USP54: variants seen among roughly 807,000 people sequenced by gnomAD.
USP54 encodes the protein ubiquitin specific peptidase 54, also known as ubiquitin carboxyl-terminal hydrolase 54.
USP54 carries 87 observed loss-of-function variants against 170.5 expected under a neutral mutation model. That is an observed-to-expected ratio of 0.51 (90% confidence interval 0.43 to 0.61). The LOEUF (loss-of-function observed/expected upper bound fraction) is 0.61. Among genes scored for constraint, USP54 ranks in the 20% least tolerant of loss-of-function variants. USP54 has a pLI of 0.00. For synonymous variants in USP54, 655 were observed against 742.8 expected, an observed-to-expected ratio of 0.88 and a Z score of 1.92; for missense variants, 1,786 against 2,047.8, an observed-to-expected ratio of 0.87 and a Z score of 2.47.
In USP54 at chr10:73,517,037, C is replaced by T. The variant is rs769167995; in HGVS notation, c.3389G>A (p.Arg1130His). 3.3e-5 allele frequency: 54 copies of T among 1,614,076 alleles called. No homozygotes were observed. The Middle Eastern group carries it at 6.6e-4, about 20-fold the overall frequency. The change falls in exon 20 of 24, where the codon CGT (arginine) becomes CAT (histidine). Residue 1130 changes from arginine (R) to histidine (H), a missense_variant. Physicochemically the swap from Arg to His is conservative, Grantham distance 29 (BLOSUM62 0). Coordinates refer to ENST00000687698, the MANE Select transcript of USP54 (RefSeq NM_001391956.1). ...PEFPSTKGLV[R>H]SLAEQFQRMQ... ...CCTCTGGAACTGCTCAGCCAGAGAA[C>T]GGACAAGCCCCTTTGTGCTGGGAAA...
At chr10:73,565,678 C>A (rs74147530) in intron 4 of USP54, among the ~76,000 whole-genome samples, 2 of 152,078 alleles carry the variant, frequency 1.3e-5, no homozygotes, top group Non-Finnish European at 2.9e-5. Flanking sequence ...ACATGAGTAC[C>A]ACCACACTGG....
At chr10:73,591,426 A>G (rs2078243170), upstream of USP54, 1 of 152,354 alleles carries the variant, frequency 6.6e-6, no homozygotes, top group African/African-American at 2.4e-5. Flanking sequence ...GCTAGCAACA[A>G]TGAGAAACTG....
intron 3 of USP54, among the ~76,000 whole-genome samples, chr10:73,574,889 A>G (rs553353236): frequency 2.0e-4 from 31 of 151,230 alleles, no homozygotes; most frequent in African/African-American, 7.5e-4. Flanking sequence ...AAAAGAAAAG[A>G]AAAATAGGAA....
chr10:73,556,552 G>A (rs2071118483), intron 4 of USP54, among the ~76,000 whole-genome samples: 2 of 151,638 alleles, frequency 1.3e-5, no homozygotes, highest in East Asian at 1.9e-4. Flanking sequence ...CACCATCTTG[G>A]CCAGGCTAGT....
At position 73,565,515 on chromosome 10, in the gene USP54, C is replaced by CAAAT. The variant is rs577102867; in HGVS notation, c.240+5902_240+5905dup. On this transcript the variant is annotated intron_variant, in intron 4 of 23. Coordinates refer to ENST00000687698, the MANE Select transcript of USP54 (RefSeq NM_001391956.1). ...TGGGCAACAGAACAAGATCCTATTT[C>CAAAT]AAATAAATAAATAAATAAATAACTT... Among the ~76,000 whole-genome samples the CAAAT allele has an allele frequency of 3.3e-3, 500 of 151,932 alleles. 2 individuals carry two copies. Among genetic ancestry groups the CAAAT allele is most frequent in the African/African-American group, 3.2e-3 (133 of 41,414 alleles).
chr10:73,577,372 G>A (rs2076256269), intron 1 of USP54, among the ~76,000 whole-genome samples: 1 of 152,196 alleles, frequency 6.6e-6, no homozygotes, highest in African/African-American at 2.4e-5. Context: ...GGTTGCATAA[G>A]ACTGTTCTTT....
intron 4 of USP54, among the ~76,000 whole-genome samples, chr10:73,564,901 CAAAA>C (rs199823108): frequency 4.5e-5 from 3 of 66,460 alleles, no homozygotes; most frequent in African/African-American, 1.2e-4. Flanking sequence ...TCATCTCTAC[CAAAA>C]AAAAAAAAAA....
At chr10:73,616,999 G>T (rs774412214) in intron 1 of USP54, among the ~76,000 whole-genome samples, 44 of 150,694 alleles carry the variant, frequency 2.9e-4, no homozygotes, top group Non-Finnish European at 6.0e-4. Context: ...AGCCAATAAA[G>T]AAATAAAAAG....
chr10:73,548,939 C>G (rs1303255002), intron 4 of USP54, among the ~76,000 whole-genome samples: 1 of 152,138 alleles, frequency 6.6e-6, no homozygotes, highest in African/African-American at 2.4e-5. Context: ...ATATTACTAA[C>G]AAGACCAGAA....
intron 1 of USP54, among the ~76,000 whole-genome samples, chr10:73,623,590 G>A (rs1236114814): frequency 6.6e-6 from 1 of 152,150 alleles, no homozygotes; most frequent in Non-Finnish European, 1.5e-5. Context: ...GGTTGAAGTT[G>A]CAGTGAGCCA....
chr10:73,623,793 A>C (rs567254347), intron 1 of USP54, among the ~76,000 whole-genome samples: 4 of 152,264 alleles, frequency 2.6e-5, no homozygotes, highest in South Asian at 2.1e-4. Context: ...CTGCCCTCAC[A>C]GGGTCTGAGC....
intron 4 of USP54, among the ~76,000 whole-genome samples, chr10:73,550,085 G>A (rs2068871638): frequency 1.3e-5 from 2 of 152,108 alleles, no homozygotes; most frequent in Non-Finnish European, 1.5e-5. Context: ...CACTACACCC[G>A]GCTAAGTTTT....
chr10:73,505,291 G>A lies in USP54; in HGVS notation c.4170+17C>T. ...ACACCACCCCAGGCCCAGCACCTTA[G>A]CACCTGAGGCTGCTACCTGAGAAGT... On this transcript the variant is annotated intron_variant, in intron 21 of 23. Transcript: ENST00000687698. The A allele has an allele frequency of 6.2e-7, 1 of 1,609,370 alleles. No homozygotes were observed. Among genetic ancestry groups the A allele is most frequent in the Non-Finnish European group, 8.5e-7 (1 of 1,176,718 alleles).
At chr10:73,523,554 A>G in intron 17 of USP54, 29 bp downstream of exon 17, 2 of 1,548,526 alleles carry the variant, frequency 1.3e-6, no homozygotes, top group Non-Finnish European at 1.8e-6. Flanking sequence ...TGTCCCCATC[A>G]CCCACAACCT....
chr10:73,571,137 CAAAAAAAA>C (rs59126730), intron 4 of USP54, among the ~76,000 whole-genome samples: 2 of 44,326 alleles, frequency 4.5e-5, no homozygotes, highest in Non-Finnish European at 1.2e-4. Flanking sequence ...GACTTCATCC[CAAAAAAAA>C]AAAAAAAAAA....
chr10:73,521,349 G>A (rs2061863606), intron 17 of USP54, among the ~76,000 whole-genome samples: 1 of 152,110 alleles, frequency 6.6e-6, no homozygotes. Context: ...CAGTGCGAGC[G>A]GAGGAAGTCC....
At position 73,575,569 on chromosome 10, in the gene USP54, G is replaced by C; in HGVS notation, c.90C>G (p.Ser30Arg). 6.2e-7 allele frequency: 1 copy of C among 1,614,024 alleles called. No individual in the cohort carries two copies. Among genetic ancestry groups the C allele is most frequent in the Non-Finnish European group, 8.5e-7 (1 of 1,179,968 alleles). Residue 30 changes from serine to arginine, a missense_variant, in exon 3 of 24, where the codon AGC becomes AGG. By Grantham distance (110) the Ser-to-Arg change is moderately radical (BLOSUM62 -1). Coordinates refer to ENST00000687698, the MANE Select transcript of USP54 (RefSeq NM_001391956.1). ...GCCCTGGCTCATTGCTGAGGCCTTTGCTGGGGGCTATGGAGGTTGAGCTTC... is the reference window on the plus strand; with the variant it reads ...GCCCTGGCTCATTGCTGAGGCCTTTCCTGGGGGCTATGGAGGTTGAGCTTC... ...APRSSTSIAP[S>R]KGLSNEPGQN...
At chr10:73,541,961 G>A in intron 7 of USP54, 1 of 541,808 alleles carries the variant, frequency 1.8e-6, no homozygotes, top group East Asian at 3.1e-5. Flanking sequence ...TTGCTGGCCA[G>A]TACTGAGCCT....
intron 1 of USP54, among the ~76,000 whole-genome samples, chr10:73,610,584 A>G (rs1041688705): frequency 2.6e-5 from 4 of 152,038 alleles, no homozygotes; most frequent in African/African-American, 7.2e-5. Context: ...AGTTCGCACC[A>G]CTGCACTGCA....
Sources: gnomAD v4.1 joint callset for allele counts (sites outside exome capture counted in the v4.1 genomes callset) on GRCh38, gnomAD v4.1.1 for gene constraint, MANE v1.5 for transcripts, NCBI Gene and HGNC (gene_info 2026-07-23, HGNC 2026-07-21) for gene names.